Variants in PLA2G4C observed in about 807,000 individuals in gnomAD.
PLA2G4C encodes the protein phospholipase A2 group IVC, also known as cytosolic phospholipase A2 gamma.
In PLA2G4C, 64 loss-of-function variants were observed where a neutral mutation model predicts 73.8. That is an observed-to-expected ratio of 0.87 (90% CI 0.71 to 1.07). PLA2G4C has a LOEUF of 1.07. Among genes scored for constraint, PLA2G4C ranks in the 50% least tolerant of loss-of-function variants. The pLI is 0.00. For missense variants in PLA2G4C, 622 were observed against 665.4 expected (o/e 0.93, Z 0.72); for synonymous variants, 254 against 252.1 (o/e 1.01, Z -0.07).
At chr19:48,071,383 C>T (rs929857911) in intron 12 of PLA2G4C, among the ~76,000 whole-genome samples, 8 of 152,110 alleles carry the variant, frequency 5.3e-5, no homozygotes, top group Admixed American at 2.0e-4. Flanking sequence ...CTCCGCCTCC[C>T]GGGTTCAAGC....
chr19:48,080,993 C>CA (rs34388817), intron 10 of PLA2G4C, among the ~76,000 whole-genome samples: 38,507 of 102,518 alleles, frequency 0.38, 6,754 homozygotes, highest in South Asian at 0.44. Flanking sequence ...ACTAAAAATA[C>CA]AAAAAAAAAA....
chr19:48,067,969 C>T (rs1207189940), intron 12 of PLA2G4C, 83 bp from the exon 13 acceptor site: 2 of 956,722 alleles, frequency 2.1e-6, no homozygotes, highest in African/African-American at 1.6e-5. Flanking sequence ...TGTGGAAGCC[C>T]TCATCCCCCA....
chr19:48,094,518 A>C (rs2031471316), intron 7 of PLA2G4C, among the ~76,000 whole-genome samples: 1 of 152,168 alleles, frequency 6.6e-6, no homozygotes, highest in South Asian at 2.1e-4. Context: ...TTATTTGTGG[A>C]TCATACCTAA....
chr19:48,088,956 A>G (rs1247933881), intron 8 of PLA2G4C, among the ~76,000 whole-genome samples: 3 of 152,228 alleles, frequency 2.0e-5, no homozygotes, highest in African/African-American at 7.2e-5. Flanking sequence ...AGGAATTGGC[A>G]AACACTACAT....
intron 11 of PLA2G4C, 41 bp from the exon 12 acceptor site, chr19:48,074,915 T>G: frequency 7.6e-7 from 1 of 1,315,356 alleles, no homozygotes; most frequent in Non-Finnish European, 1.1e-6. Flanking sequence ...ACTGTCCAAG[T>G]ACCCTACCAA....
At chr19:48,108,371 T>C (rs1447968351) in intron 1 of PLA2G4C, among the ~76,000 whole-genome samples, 1 of 152,010 alleles carries the variant, frequency 6.6e-6, no homozygotes, top group Non-Finnish European at 1.5e-5. Flanking sequence ...CCCGGGCTCA[T>C]GCAATCCTCC....
At chr19:48,095,633 TC>T in intron 6 of PLA2G4C, 29 bp from the exon 7 acceptor site, 3 of 1,612,086 alleles carry the variant, frequency 1.9e-6, no homozygotes, top group Non-Finnish European at 2.5e-6. Context: ...GGCAAGTGAG[TC>T]CCAGCACAGA....
chr19:48,048,711 G>A (rs895635206), intron 16 of PLA2G4C, among the ~76,000 whole-genome samples: 3 of 152,160 alleles, frequency 2.0e-5, no homozygotes, highest in African/African-American at 7.2e-5. Flanking sequence ...TCTGATCTCT[G>A]TCCATCTCTC....
At chr19:48,109,167 C>A (rs746991946) in intron 1 of PLA2G4C, among the ~76,000 whole-genome samples, 10 of 147,678 alleles carry the variant, frequency 6.8e-5, no homozygotes, top group African/African-American at 2.5e-4. Context: ...TTCAAGACCC[C>A]CCTTATGAAA....
At chr19:48,110,371 AT>A in intron 1 of PLA2G4C, 115 bp downstream of exon 1, 1 of 648,428 alleles carries the variant, frequency 1.5e-6, no homozygotes, top group Non-Finnish European at 2.4e-6. Flanking sequence ...AATAAATAAA[AT>A]AAAATAAAAT....
At position 48,110,545 on chromosome 19, in the gene PLA2G4C, G is replaced by GTGCGGAGGCTTGGGCTCCGGAATCCGA; in HGVS notation, c.-92_-91insTCGGATTCCGGAGCCCAAGCCTCCGCA. 6.5e-7 allele frequency: 1 copy of GTGCGGAGGCTTGGGCTCCGGAATCCGA among 1,529,648 alleles called. No homozygotes were observed. The highest frequency in any genetic ancestry group is 8.8e-7 in the Non-Finnish European group (1 of 1,141,374). The allele number at this position is 1,529,648 out of a possible 1,614,324, so 94.8% of individuals were successfully genotyped here. On this transcript the variant is annotated 5_prime_UTR_variant, in exon 1 of 17. Transcript: ENST00000599921. ...GGTGGAGCTTGTGCTCCGGAATCCG[G>GTGCGGAGGCTTGGGCTCCGGAATCCGA]TGCGGAGGCTTGGGCTCCCTGCGCT...
intron 14 of PLA2G4C, among the ~76,000 whole-genome samples, chr19:48,056,545 G>T (rs904636593): frequency 2.0e-5 from 3 of 149,304 alleles, no homozygotes; most frequent in African/African-American, 7.4e-5. Flanking sequence ...CAAGAAAGAG[G>T]CTGGGCATGG....
chr19:48,094,295 A>G (rs1222766501), intron 7 of PLA2G4C, among the ~76,000 whole-genome samples: 2 of 152,204 alleles, frequency 1.3e-5, no homozygotes, highest in East Asian at 1.9e-4. Flanking sequence ...ACATTATAAT[A>G]CATACTTATT....
At chr19:48,094,615 G>C (rs1254586521) in intron 7 of PLA2G4C, among the ~76,000 whole-genome samples, 3 of 152,190 alleles carry the variant, frequency 2.0e-5, no homozygotes, top group Non-Finnish European at 4.4e-5. Flanking sequence ...AAGCTGGCAT[G>C]GTTGGTCCTA....
chr19:48,108,613 A>C (rs927423172), intron 1 of PLA2G4C, among the ~76,000 whole-genome samples: 1 of 152,188 alleles, frequency 6.6e-6, no homozygotes, highest in African/African-American at 2.4e-5. Flanking sequence ...CAGCACCTTC[A>C]TGATTCTAAC....
At chr19:48,108,948 A>T (rs779945576) in intron 1 of PLA2G4C, 1 of 152,194 alleles carries the variant, frequency 6.6e-6, no homozygotes, top group Non-Finnish European at 1.5e-5. Context: ...ATAAATAAAT[A>T]AAAAGTAAAT....
chr19:48,057,483 CT>C (rs1171271257), intron 14 of PLA2G4C, among the ~76,000 whole-genome samples: 50 of 17,934 alleles, frequency 2.8e-3, no homozygotes, highest in Non-Finnish European at 4.1e-3. Context: ...TCTTCTTCTT[CT>C]TTTTTTTTTT....
At position 48,095,622 on chromosome 19, in the gene PLA2G4C, C is replaced by T. The variant is rs375085559; in HGVS notation, c.569-18G>A. 39 of 1,613,392 alleles carry T rather than the reference C, an allele frequency of 2.4e-5. No individual in the cohort carries two copies. The highest frequency in any genetic ancestry group is 1.7e-4 in the Middle Eastern group (1 of 6,058). On this transcript the variant is annotated intron_variant, in intron 6 of 16. Coordinates refer to ENST00000599921, the MANE Select transcript of PLA2G4C (RefSeq NM_003706.3). The stretch of plus-strand genomic sequence containing the variant: ...CCAGGTCTCTGCAGAGGAAATACAA[C>T]GGCAAGTGAGTCCCAGCACAGAACC...
intron 15 of PLA2G4C, among the ~76,000 whole-genome samples, chr19:48,053,770 G>A (rs541325036): frequency 1.3e-5 from 2 of 152,300 alleles, no homozygotes; most frequent in South Asian, 2.1e-4. Context: ...AATGAAGGAA[G>A]AAAACAGACA....
Sources: allele counts gnomAD v4.1 joint callset (sites outside exome capture counted in the v4.1 genomes callset), GRCh38; gene constraint gnomAD v4.1.1; transcripts MANE v1.5; gene names NCBI Gene and HGNC (gene_info 2026-07-23, HGNC 2026-07-21).